CCDC171: variants seen among roughly 807,000 people sequenced by gnomAD.
CCDC171 encodes the protein coiled-coil domain containing 171.
CCDC171 carries 177 observed loss-of-function variants against 168.2 expected under a neutral mutation model. The observed-to-expected ratio is 1.05, with a 90% confidence interval of 0.93 to 1.19. The LOEUF (loss-of-function observed/expected upper bound fraction) is 1.19. CCDC171 is among the 50% of genes most tolerant of loss of function. CCDC171 has a pLI of 0.00. For missense variants in CCDC171, 1,991 were observed against 1,539.0 expected, an observed-to-expected ratio of 1.29 and a Z score of -4.91; for synonymous variants, 687 against 540.8, an observed-to-expected ratio of 1.27 and a Z score of -3.75.
chr9:15,887,288 A>G (rs951666507), intron 24 of CCDC171, among the ~76,000 whole-genome samples: 10 of 152,178 alleles, frequency 6.6e-5, no homozygotes, highest in African/African-American at 2.4e-4. Flanking sequence ...ATAGTACTGT[A>G]TATTAAGTAA....
In CCDC171 at chr9:15,721,886, C is replaced by A. The variant is rs774276169; in HGVS notation, c.1425+11C>A. ...GATGCATCTAATGAGGTAACACTTG[C>A]ACTGTTTGGCTCCACACATATAGCC... On this transcript the variant is annotated intron_variant, in intron 12 of 25. Transcript: ENST00000380701. The A allele has an allele frequency of 4.2e-6, 6 of 1,431,954 alleles. No homozygotes were observed. Among genetic ancestry groups the A allele is most frequent in the Middle Eastern group, 3.6e-4 (2 of 5,536 alleles). The allele number at this position is 1,431,954 out of a possible 1,614,324, so 88.7% of individuals were successfully genotyped here. A position where few individuals can be genotyped will look rare whatever the true frequency, so the allele number is the denominator to read the frequency against.
chr9:15,579,855 C>T (rs2131256291), intron 4 of CCDC171, among the ~76,000 whole-genome samples: 1 of 152,116 alleles, frequency 6.6e-6, no homozygotes, highest in East Asian at 1.9e-4. Flanking sequence ...TATATTTATC[C>T]ATTTATTATT....
intron 25 of CCDC171, among the ~76,000 whole-genome samples, chr9:15,968,376 A>ATT (rs1831008644): frequency 6.6e-6 from 1 of 152,196 alleles, no homozygotes; most frequent in African/African-American, 2.4e-5. Context: ...ACAAAAAGTT[A>ATT]TTTAACTGTC....
intron 9 of CCDC171, among the ~76,000 whole-genome samples, chr9:15,670,462 C>G (rs189582660): frequency 2.9e-3 from 440 of 152,254 alleles, no homozygotes; most frequent in African/African-American, 9.8e-3. Context: ...TCAGTTTCTA[C>G]TCCTTTGATG....
upstream of CCDC171, among the ~76,000 whole-genome samples, chr9:16,040,217 T>C (rs567850495): frequency 6.6e-6 from 1 of 152,338 alleles, no homozygotes; most frequent in Non-Finnish European, 1.5e-5. Context: ...TGTTGGAGGC[T>C]GGCCAACGCT....
At chr9:15,838,871 G>T (rs776449538) in intron 21 of CCDC171, among the ~76,000 whole-genome samples, 21 of 152,182 alleles carry the variant, frequency 1.4e-4, no homozygotes, top group Non-Finnish European at 2.8e-4. Context: ...TTGATATACT[G>T]TTGTGATAGG....
chr9:16,053,993 C>T (rs1445283053), intron 1 of CCDC171, among the ~76,000 whole-genome samples: 1 of 152,204 alleles, frequency 6.6e-6, no homozygotes, highest in African/African-American at 2.4e-5. Context: ...GAGGAGGTGG[C>T]CTTGGTTCCC....
chr9:15,590,771 C>CTCTT (rs71506031), intron 4 of CCDC171, among the ~76,000 whole-genome samples: 14,614 of 122,276 alleles, frequency 0.12, 1,150 homozygotes, highest in African/African-American at 0.15. Context: ...TTCTTTCTTT[C>CTCTT]TCTTTCTTTC....
At chr9:15,608,228 T>G (rs1340008781) in intron 6 of CCDC171, among the ~76,000 whole-genome samples, 1 of 152,212 alleles carries the variant, frequency 6.6e-6, no homozygotes, top group African/African-American at 2.4e-5. Flanking sequence ...TTCTCAAAAC[T>G]GTCACATGGG....
At chr9:15,772,910 G>A (rs902827648) in intron 18 of CCDC171, among the ~76,000 whole-genome samples, 1 of 152,058 alleles carries the variant, frequency 6.6e-6, no homozygotes, top group Non-Finnish European at 1.5e-5. Flanking sequence ...TGTCAGGGTT[G>A]ACAAAATGTT....
At position 16,051,335 on chromosome 9, in the gene CCDC171, T is replaced by C. The variant is rs560676096; in HGVS notation, n.89+8449T>C. ...ACAGTGTCTGGACAATGTGTTTTCA[T>C]AGCAAGCAGTCCCCAGCCCTTGGTT... On this transcript the variant is annotated intron_variant and non_coding_transcript_variant, in intron 1 of 1. Transcript: ENST00000478913. 3.3e-5 allele frequency among the ~76,000 whole-genome samples: 5 copies of C among 152,264 alleles called. No homozygotes were observed. In the South Asian group the frequency reaches 8.3e-4, roughly 25 times the overall value.
At chr9:16,081,708 A>C in the CCDC171 span, among the ~76,000 whole-genome samples, 1 of 152,122 alleles carries the variant, frequency 6.6e-6, no homozygotes, top group Non-Finnish European at 1.5e-5. Context: ...CTTAATTGAC[A>C]CAGAACCTTA....
At chr9:15,866,593 TGTAAG>T (rs2061797981) in intron 23 of CCDC171, among the ~76,000 whole-genome samples, 1 of 151,972 alleles carries the variant, frequency 6.6e-6, no homozygotes, top group Non-Finnish European at 1.5e-5. Context: ...AAATACTGAA[TGTAAG>T]GTAATGTGGA....
At position 15,625,798 on chromosome 9, in the gene CCDC171, G is replaced by A. The variant is rs188048433; in HGVS notation, c.822+2385G>A. Among the ~76,000 whole-genome samples, 924 of 152,200 alleles carry A rather than the reference G, an allele frequency of 6.1e-3. 7 individuals carry two copies. Among genetic ancestry groups the A allele is most frequent in the African/African-American group, 0.022 (896 of 41,536 alleles). ...TTGCTTAGGATTGTCTTGGCAATGC[G>A]GGCTCTTTTTTGGTTTCATATGAAA... On this transcript the variant is annotated intron_variant, in intron 7 of 25. Coordinates refer to ENST00000380701, the MANE Select transcript of CCDC171 (RefSeq NM_173550.4).
the CCDC171 span, among the ~76,000 whole-genome samples, chr9:16,077,330 G>T: frequency 6.6e-5 from 10 of 152,240 alleles, no homozygotes; most frequent in African/African-American, 2.4e-4. Context: ...CCTTACCGGG[G>T]TATCAAATCA....
chr9:15,603,198 A>T (rs903363177), intron 6 of CCDC171, among the ~76,000 whole-genome samples: 3 of 151,762 alleles, frequency 2.0e-5, no homozygotes, highest in Non-Finnish European at 2.9e-5. Flanking sequence ...GTTAGCCAGG[A>T]TGGTTTCGAT....
chr9:15,762,363 A>C (rs534167115), intron 18 of CCDC171, among the ~76,000 whole-genome samples: 1 of 152,330 alleles, frequency 6.6e-6, no homozygotes, highest in East Asian at 1.9e-4. Context: ...AAAATACAAC[A>C]TAATATTCAT....
At chr9:15,553,930 T>G (rs1020927290) in intron 1 of CCDC171, among the ~76,000 whole-genome samples, 2 of 152,206 alleles carry the variant, frequency 1.3e-5, no homozygotes, top group Non-Finnish European at 2.9e-5. Flanking sequence ...TTATTTTGTT[T>G]ATTAGAGTTG....
chr9:16,073,613 A>G, the CCDC171 span, among the ~76,000 whole-genome samples: 2 of 152,180 alleles, frequency 1.3e-5, no homozygotes, highest in Non-Finnish European at 2.9e-5. Context: ...ATATTTATAC[A>G]TATTTAAGAA....
Sources: gnomAD v4.1 joint callset for allele counts (sites outside exome capture counted in the v4.1 genomes callset) on GRCh38, gnomAD v4.1.1 for gene constraint, MANE v1.5 for transcripts, NCBI Gene and HGNC (gene_info 2026-07-23, HGNC 2026-07-21) for gene names.